The following IMPG2 variants were observed in gnomAD, a reference collection of about 807,000 sequenced individuals.
The protein encoded by IMPG2 is IPM 200.
IMPG2 carries 91 observed loss-of-function variants against 129.2 expected under a neutral mutation model. The observed-to-expected ratio is 0.70, with a 90% CI of 0.59 to 0.84. IMPG2 has a LOEUF of 0.84. IMPG2 is among the 40% of genes least tolerant of loss of function. The pLI, the probability that IMPG2 is intolerant of heterozygous loss-of-function variation, is 0.00. For synonymous variants in IMPG2, 510 were observed against 517.7 expected (o/e 0.99, Z 0.20); for missense variants, 1,430 against 1,461.7 (o/e 0.98, Z 0.35).
In IMPG2 at chr3:101,303,346, T is replaced by C. The variant is rs116044051; in HGVS notation, c.501+800A>G. Among the ~76,000 whole-genome samples, 898 of 152,280 alleles carry C rather than the reference T, an allele frequency of 5.9e-3. 6 individuals are homozygous for C. The highest frequency in any genetic ancestry group is 0.021 in the African/African-American group (864 of 41,566). On this transcript the variant is annotated intron_variant, in intron 3 of 18. Coordinates refer to ENST00000193391, the MANE Select transcript of IMPG2 (RefSeq NM_016247.4). ...TAGTCACATATACAAGCAATCATCA[T>C]AAAATATAAACAGTACAGTATTAAA...
At chr3:101,290,883 T>A (rs1274908967) in intron 4 of IMPG2, among the ~76,000 whole-genome samples, 2 of 152,140 alleles carry the variant, frequency 1.3e-5, no homozygotes, top group Non-Finnish European at 2.9e-5. Context: ...ACTACCCACA[T>A]GCTGTTATAA....
In IMPG2 at chr3:101,257,718, TG is replaced by T. The variant is rs1706626719; in HGVS notation, c.963del (p.Thr322ProfsTer52). ...GAGTGAAGGCTAATGAGGTCCCAGG[TG>T]GTATTGCTGATGGCCTCACCATTGA... ...VTFNGEAISN[T>X]TWDLISLHSN... On this transcript the variant is annotated frameshift_variant, in exon 10 of 19. Transcript: ENST00000193391. LOFTEE classifies it high-confidence loss of function. The T allele has an allele frequency of 6.2e-7, 1 of 1,613,280 alleles. No individual in the cohort carries two copies. The highest frequency in any genetic ancestry group is 8.5e-7 in the Non-Finnish European group (1 of 1,179,476).
chr3:101,285,780 T>G (rs1396665932), intron 4 of IMPG2, among the ~76,000 whole-genome samples: 2 of 152,216 alleles, frequency 1.3e-5, no homozygotes, highest in Non-Finnish European at 2.9e-5. Flanking sequence ...TCATTTTTAA[T>G]TTTAAATTTT....
At chr3:101,290,902 C>T (rs1039216833) in intron 4 of IMPG2, among the ~76,000 whole-genome samples, 2 of 152,114 alleles carry the variant, frequency 1.3e-5, no homozygotes, top group South Asian at 4.2e-4. Flanking sequence ...AATTTAGATG[C>T]TCCGAGGATG....
chr3:101,286,776 G>A (rs1246055693), intron 4 of IMPG2, among the ~76,000 whole-genome samples: 1 of 152,186 alleles, frequency 6.6e-6, no homozygotes, highest in Non-Finnish European at 1.5e-5. Context: ...TGGTGAAGGA[G>A]AGAATGAAGG....
intron 6 of IMPG2, among the ~76,000 whole-genome samples, chr3:101,274,124 C>T (rs1434857905): frequency 7.2e-5 from 11 of 151,886 alleles, no homozygotes; most frequent in Admixed American, 4.6e-4. Context: ...ACCTGGGAGG[C>T]GGAGGTTTTA....
At chr3:101,316,474 T>C (rs1225293922) in intron 2 of IMPG2, among the ~76,000 whole-genome samples, 2 of 151,966 alleles carry the variant, frequency 1.3e-5, no homozygotes, top group Non-Finnish European at 2.9e-5. Flanking sequence ...TAAAAAAAGA[T>C]ATATAAATGA....
intron 9 of IMPG2, among the ~76,000 whole-genome samples, chr3:101,261,962 C>T (rs575641663): frequency 7.7e-4 from 117 of 152,196 alleles, no homozygotes; most frequent in African/African-American, 2.4e-3. Context: ...CATGCAGCTG[C>T]TATACAGAGG....
intron 2 of IMPG2, among the ~76,000 whole-genome samples, chr3:101,304,869 A>AC (rs1707172989): frequency 1.3e-5 from 2 of 148,496 alleles, no homozygotes; most frequent in South Asian, 2.1e-4. Context: ...AAAAAAAAAC[A>AC]GGAGTATTCA....
At chr3:101,296,092 T>C (rs770091526) in intron 3 of IMPG2, among the ~76,000 whole-genome samples, 1 of 152,210 alleles carries the variant, frequency 6.6e-6, no homozygotes, top group Non-Finnish European at 1.5e-5. Context: ...GAAATTCCAA[T>C]ACTATGTTGA....
rs531009269 is a variant in IMPG2 at position 101,290,841 on chromosome 3, G to A, written c.533+638C>T. On this transcript the variant is annotated intron_variant, in intron 4 of 18. Transcript: ENST00000193391. ...AGGCAAAATTCTGAACTATGACCTG[G>A]ATTGCATGCTCTAGTGGTACCTTCC... Among the ~76,000 whole-genome samples the A allele has an allele frequency of 9.7e-4, 147 of 152,128 alleles. 2 individuals are homozygous for A. The highest frequency in any genetic ancestry group is 3.1e-3 in the African/African-American group (129 of 41,478).
chr3:101,286,912 A>G (rs1252460213), intron 4 of IMPG2, among the ~76,000 whole-genome samples: 1 of 152,206 alleles, frequency 6.6e-6, no homozygotes, highest in African/African-American at 2.4e-5. Context: ...GCTTTAGCCA[A>G]TTAACAGACT....
intron 6 of IMPG2, among the ~76,000 whole-genome samples, chr3:101,274,978 A>C (rs1383904152): frequency 6.6e-6 from 1 of 152,078 alleles, no homozygotes; most frequent in East Asian, 1.9e-4. Flanking sequence ...ATGTAAGTTA[A>C]AATGTCCACG....
intron 3 of IMPG2, among the ~76,000 whole-genome samples, chr3:101,297,076 A>T (rs1327172527): frequency 6.6e-6 from 1 of 151,876 alleles, no homozygotes; most frequent in Non-Finnish European, 1.5e-5. Context: ...CGCCTGGCTA[A>T]TTTTTTGTAT....
chr3:101,264,972 A>C (rs1441326016), intron 9 of IMPG2, among the ~76,000 whole-genome samples: 1 of 152,040 alleles, frequency 6.6e-6, no homozygotes, highest in Non-Finnish European at 1.5e-5. Context: ...AAAATACGTA[A>C]AAATAAATTT....
At chr3:101,232,668 T>G in intron 15 of IMPG2, 113 bp downstream of exon 15, 1 of 861,934 alleles carries the variant, frequency 1.2e-6, no homozygotes, top group East Asian at 2.6e-5. Flanking sequence ...TGCCTAGATA[T>G]AACTTCTATA....
intron 17 of IMPG2, 101 bp downstream of exon 17, chr3:101,229,279 T>C: frequency 1.0e-6 from 1 of 991,936 alleles, no homozygotes; most frequent in East Asian, 2.4e-5. Context: ...TCCATGTGCA[T>C]GCACACATAC....
chr3:101,275,146 A>G (rs1221417339), intron 6 of IMPG2, among the ~76,000 whole-genome samples: 1 of 151,640 alleles, frequency 6.6e-6, no homozygotes, highest in East Asian at 1.9e-4. Flanking sequence ...ATGTTTCTAT[A>G]TTCCTGGGCG....
At chr3:101,255,652 TTC>T (rs746888630) in intron 10 of IMPG2, among the ~76,000 whole-genome samples, 29 of 152,082 alleles carry the variant, frequency 1.9e-4, no homozygotes, top group Non-Finnish European at 2.9e-4. Context: ...TCCTAGAATC[TTC>T]TGCCCATATG....
Sources: gnomAD v4.1 joint callset for allele counts (sites outside exome capture counted in the v4.1 genomes callset) on GRCh38, gnomAD v4.1.1 for gene constraint, MANE v1.5 for transcripts, NCBI Gene and HGNC (gene_info 2026-07-23, HGNC 2026-07-21) for gene names.